The following SORCS2 variants were observed in gnomAD, a reference collection of about 807,000 sequenced individuals.
The protein encoded by SORCS2 is sortilin related VPS10 domain containing receptor 2, also known as VPS10 domain-containing receptor SorCS2.
In SORCS2, 100 loss-of-function variants were observed where a neutral mutation model predicts 141.6. The ratio of observed to expected loss-of-function variants is 0.71; its 90% CI spans 0.60 to 0.83. SORCS2 has a LOEUF of 0.83. Ranked by LOEUF, SORCS2 falls within the 40% of genes least tolerant of loss-of-function variation. SORCS2 has a pLI of 0.00. For missense variants in SORCS2, 1,646 were observed against 1,560.2 expected, an observed-to-expected ratio of 1.05 and a Z score of -0.93; for synonymous variants, 789 against 676.9, an observed-to-expected ratio of 1.17 and a Z score of -2.57.
chr4:7,540,108 T>A (rs1266650771), intron 3 of SORCS2, among the ~76,000 whole-genome samples: 3 of 115,354 alleles, frequency 2.6e-5, no homozygotes, highest in South Asian at 7.5e-4. Context: ...CTTTGTGCTG[T>A]GGGGCCCCAC....
At chr4:7,218,379 C>G (rs932637908) in intron 1 of SORCS2, among the ~76,000 whole-genome samples, 4 of 152,156 alleles carry the variant, frequency 2.6e-5, no homozygotes, top group African/African-American at 9.7e-5. Flanking sequence ...TTATTTTTAC[C>G]GTGGCAGAGA....
intron 2 of SORCS2, among the ~76,000 whole-genome samples, chr4:7,530,468 A>G (rs1377058755): frequency 6.6e-6 from 1 of 152,180 alleles, no homozygotes; most frequent in Non-Finnish European, 1.5e-5. Context: ...GCTGCCCACG[A>G]CAGGAGCCCC....
At chr4:7,420,414 G>T (rs1725962230) in intron 2 of SORCS2, among the ~76,000 whole-genome samples, 1 of 152,232 alleles carries the variant, frequency 6.6e-6, no homozygotes, top group South Asian at 2.1e-4. Context: ...TCCTGGCTGG[G>T]CACAGGTCCC....
At chr4:7,608,790 C>T (rs978430376) in intron 3 of SORCS2, among the ~76,000 whole-genome samples, 2 of 140,362 alleles carry the variant, frequency 1.4e-5, no homozygotes, top group Admixed American at 7.0e-5. Context: ...CTTCTGTTGT[C>T]TGTGGCTCAG....
Position 7,723,890 on chromosome 4 carries a change from T to G in SORCS2, c.2611+7T>G. 6.3e-7 allele frequency: 1 copy of G among 1,594,398 alleles called. No individual in the cohort carries two copies. The highest frequency in any genetic ancestry group is 8.5e-7 in the Non-Finnish European group (1 of 1,174,112). ...CTCTTTGTCCAGGTCAACTGTAAGTTTATTGCCCCTTTGAGGCCAAAGGTC... is the reference window on the plus strand; with the variant it reads ...CTCTTTGTCCAGGTCAACTGTAAGTGTATTGCCCCTTTGAGGCCAAAGGTC... On this transcript the variant is annotated splice_region_variant and intron_variant, in intron 19 of 26. Transcript: ENST00000507866.
intron 2 of SORCS2, among the ~76,000 whole-genome samples, chr4:7,511,209 G>A (rs769720927): frequency 4.5e-4 from 69 of 152,002 alleles, no homozygotes; most frequent in Non-Finnish European, 8.7e-4. Context: ...GGAATGACAC[G>A]CCCAGAGACA....
intron 2 of SORCS2, among the ~76,000 whole-genome samples, chr4:7,516,842 C>T (rs1464915992): frequency 6.6e-6 from 1 of 152,210 alleles, no homozygotes; most frequent in Non-Finnish European, 1.5e-5. Context: ...TCTCCTCCCT[C>T]ATCATCCCCT....
At chr4:7,365,396 G>T (rs1017610582) in intron 1 of SORCS2, among the ~76,000 whole-genome samples, 1 of 152,230 alleles carries the variant, frequency 6.6e-6, no homozygotes, top group East Asian at 1.9e-4. Context: ...CTAGGATTTT[G>T]TTTGGGGCAC....
intron 3 of SORCS2, among the ~76,000 whole-genome samples, chr4:7,595,789 ACT>A (rs1156418043): frequency 7.2e-5 from 11 of 151,814 alleles, no homozygotes; most frequent in Non-Finnish European, 1.6e-4. Context: ...AGTGGTTCTG[ACT>A]CTAGTATTAA....
At chr4:7,321,495 C>T (rs1305485435) in intron 1 of SORCS2, among the ~76,000 whole-genome samples, 2 of 152,184 alleles carry the variant, frequency 1.3e-5, no homozygotes, top group African/African-American at 4.8e-5. Flanking sequence ...GGCTGAGAAT[C>T]AAATCAAGAA....
At chr4:7,692,817 C>G (rs1724344473) in intron 11 of SORCS2, among the ~76,000 whole-genome samples, 1 of 152,152 alleles carries the variant, frequency 6.6e-6, no homozygotes, top group African/African-American at 2.4e-5. Flanking sequence ...ACCGCGTGTG[C>G]AGGGTGGAGG....
chr4:7,682,818 A>G lies in SORCS2; in HGVS notation c.1417A>G (p.Lys473Glu). The change falls in exon 10 of 27, where the codon AAG (lysine) becomes GAG (glutamate). Residue 473 changes from lysine to glutamate, a missense_variant. Physicochemically the swap from Lys to Glu is moderately conservative, Grantham distance 56. Coordinates refer to ENST00000507866, the MANE Select transcript of SORCS2 (RefSeq NM_020777.3). ...AGTGATGACGCTTATAACCTACAAC[A>G]AGGGCCGCGACTGGGATTACCTGAG... The part of the protein sequence containing the change: ...GKVMTLITYN[K>E]GRDWDYLRPP... The G allele has an allele frequency of 3.1e-6, 5 of 1,613,120 alleles. No homozygotes were observed. Among genetic ancestry groups the G allele is most frequent in the Non-Finnish European group, 4.2e-6 (5 of 1,179,510 alleles).
Position 7,193,012 on chromosome 4 carries a change from G to T in SORCS2, c.366G>T (p.Pro122=), listed in dbSNP as rs1467931765. ...AGYRRWERAA[P]LAGVASRAQV... ...ACCGGCGCTGGGAGCGGGCGGCGCC[G>T]CTGGCCGGAGTGGCTTCGCGGGCGC... The change falls in exon 1 of 27, where the codon CCG becomes CCT. Residue 122 remains proline, a synonymous_variant. Coordinates refer to ENST00000507866, the MANE Select transcript of SORCS2 (RefSeq NM_020777.3). This position sits in a 1 kb window ranked among gnomAD's most constrained non-coding sequence, Gnocchi z 4.8. The T allele has an allele frequency of 2.7e-6, 4 of 1,479,882 alleles. No homozygotes were observed. Among genetic ancestry groups the T allele is most frequent in the Non-Finnish European group, 3.6e-6 (4 of 1,123,100 alleles). 91.7% of individuals were successfully genotyped at this position (1,479,882 alleles called of 1,614,324 possible). A position where few individuals can be genotyped will look rare whatever the true frequency, so the allele number is the denominator to read the frequency against.
chr4:7,308,274 AGCACCCCCACCACC>A (rs1036838779), intron 1 of SORCS2, among the ~76,000 whole-genome samples: 2 of 152,234 alleles, frequency 1.3e-5, no homozygotes, highest in African/African-American at 4.8e-5. Context: ...AGGCAGTAGG[AGCACCCCCACCACC>A]GCCTCCAACC....
Position 7,388,537 on chromosome 4 carries a change from C to T in SORCS2, c.481-7751C>T, listed in dbSNP as rs181027253. 4.6e-3 allele frequency among the ~76,000 whole-genome samples: 699 copies of T among 152,294 alleles called. 6 individuals carry two copies. The highest frequency in any genetic ancestry group is 0.016 in the African/African-American group (664 of 41,558). ...CTAGTTGAAATCTCCCAGTCTCCCT[C>T]CTGTTATCCCTCCCCGCTTCCCCAC... On this transcript the variant is annotated intron_variant, in intron 1 of 26. Transcript: ENST00000507866.
chr4:7,675,232 C>G (rs1264060404), intron 8 of SORCS2, among the ~76,000 whole-genome samples: 2 of 152,250 alleles, frequency 1.3e-5, no homozygotes, highest in Non-Finnish European at 2.9e-5. Context: ...GCGCTGAGCC[C>G]ACTCCAGAGC....
chr4:7,372,541 C>A (rs1039061200), intron 1 of SORCS2, among the ~76,000 whole-genome samples: 1 of 152,202 alleles, frequency 6.6e-6, no homozygotes, highest in African/African-American at 2.4e-5. Context: ...CTCCTGACCT[C>A]GGGTGATCCA....
chr4:7,271,850 C>G lies in SORCS2; in HGVS notation c.480+78724C>G, dbSNP rs1158238149. ...AGCAGAGAGAGTGGGTGTTTGGGGG[C>G]AGGAAGGATGGGCCCTGGATGGGAG... On this transcript the variant is annotated intron_variant, in intron 1 of 26. Coordinates refer to ENST00000507866, the MANE Select transcript of SORCS2 (RefSeq NM_020777.3). Among the ~76,000 whole-genome samples the G allele has an allele frequency of 2.0e-5, 3 of 152,248 alleles. No individual in the cohort carries two copies. The East Asian group carries it at 5.8e-4, about 29-fold the overall frequency.
intron 3 of SORCS2, among the ~76,000 whole-genome samples, chr4:7,624,601 C>G (rs1191955028): frequency 1.3e-5 from 2 of 152,202 alleles, no homozygotes. Flanking sequence ...TTGAAAAGGC[C>G]TAACACAAAG....
Sources: allele counts gnomAD v4.1 joint callset (sites outside exome capture counted in the v4.1 genomes callset), GRCh38; gene constraint gnomAD v4.1.1; non-coding constraint Gnocchi (gnomAD v3.1); transcripts MANE v1.5; gene names NCBI Gene and HGNC (gene_info 2026-07-23, HGNC 2026-07-21).